The following DDX46 variants were observed in gnomAD, a reference collection of about 807,000 sequenced individuals.
The protein encoded by DDX46 is DEAD-box helicase 46.
In DDX46, 30 loss-of-function variants were observed where a neutral mutation model predicts 134.9. That is an observed-to-expected ratio of 0.22 (90% confidence interval 0.17 to 0.30). The LOEUF (loss-of-function observed/expected upper bound fraction) is 0.30, where lower values mean the gene tolerates loss of function less well. Ranked by LOEUF, DDX46 falls within the 10% of genes least tolerant of loss-of-function variation. The probability of loss-of-function intolerance (pLI) is 1.00; values close to 1 mark genes in which losing one functional copy is unlikely to be tolerated. For synonymous variants in DDX46, 415 were observed against 404.1 expected (o/e 1.03, Z -0.32); for missense variants, 622 against 1,248.7 (o/e 0.50, Z 7.56).
chr5:134,762,702 C>T (rs966663412), intron 1 of DDX46, among the ~76,000 whole-genome samples: 2 of 151,800 alleles, frequency 1.3e-5, no homozygotes, highest in Non-Finnish European at 2.9e-5. Flanking sequence ...TATTGCATTC[C>T]AGCCTGGGCA....
chr5:134,759,152 A>C (rs184666909), intron 1 of DDX46, among the ~76,000 whole-genome samples, 197 bp downstream of exon 1: 1 of 152,270 alleles, frequency 6.6e-6, no homozygotes, highest in East Asian at 1.9e-4. Flanking sequence ...CTTCCCCTGC[A>C]CTACCATCAG....
intron 21 of DDX46, among the ~76,000 whole-genome samples, chr5:134,819,998 TG>T (rs2150160465): frequency 6.6e-6 from 1 of 152,276 alleles, no homozygotes; most frequent in South Asian, 2.1e-4. Flanking sequence ...CTTGACTCAC[TG>T]CAACCTCCAC....
chr5:134,801,553 A>G (rs564628098), intron 15 of DDX46, among the ~76,000 whole-genome samples: 7 of 152,012 alleles, frequency 4.6e-5, no homozygotes, highest in Non-Finnish European at 5.9e-5. Context: ...ATGTGCCACC[A>G]TGCCCAACTA....
chr5:134,815,741 C>T (rs978398623), intron 18 of DDX46, among the ~76,000 whole-genome samples: 1 of 146,616 alleles, frequency 6.8e-6, no homozygotes, highest in Non-Finnish European at 1.5e-5. Context: ...AAGAAATGCA[C>T]CTAGCAGTAG....
rs200679952 is a variant in DDX46 at position 134,811,836 on chromosome 5, T to C, written c.2427T>C (p.Ala809=). ...LGLQDSDDED[A]AVDIDEQIES... ...TACAAGATTCAGATGATGAGGATGCTGCAGTTGATGTAAGTACTATTATTC... is the reference window on the plus strand; with the variant it reads ...TACAAGATTCAGATGATGAGGATGCCGCAGTTGATGTAAGTACTATTATTC... The change falls in exon 18 of 23, where the codon GCT becomes GCC. Residue 809 remains alanine (A), a synonymous_variant. Coordinates refer to ENST00000452510, the MANE Select transcript of DDX46 (RefSeq NM_001300860.2). The C allele has an allele frequency of 5.0e-5, 81 of 1,609,454 alleles. No individual in the cohort carries two copies. The East Asian group carries it at 1.8e-3, about 35-fold the overall frequency.
chr5:134,818,622 A>G (rs1414555687), intron 20 of DDX46, among the ~76,000 whole-genome samples: 3 of 151,610 alleles, frequency 2.0e-5, no homozygotes, highest in Admixed American at 2.0e-4. Context: ...GAATCGCTTG[A>G]ACCTGGGAGG....
At chr5:134,790,667 G>A (rs1754473803) in intron 13 of DDX46, 115 bp downstream of exon 13, 1 of 859,022 alleles carries the variant, frequency 1.2e-6, no homozygotes, top group African/African-American at 1.7e-5. Context: ...CTGTTGCACG[G>A]TAATACAGAA....
chr5:134,819,594 A>G (rs1022968475), intron 21 of DDX46, among the ~76,000 whole-genome samples: 2 of 152,044 alleles, frequency 1.3e-5, no homozygotes, highest in Non-Finnish European at 2.9e-5. Flanking sequence ...CAGTGGCGCA[A>G]TATCAGCTCA....
chr5:134,820,088 A>G (rs1019185905), intron 21 of DDX46, among the ~76,000 whole-genome samples: 1 of 151,450 alleles, frequency 6.6e-6, no homozygotes, highest in African/African-American at 2.4e-5. Flanking sequence ...TGCCTGGCTC[A>G]TTTTTGTATT....
chr5:134,817,793 A>G (rs897743381), intron 20 of DDX46, 79 bp downstream of exon 20: 1 of 1,237,808 alleles, frequency 8.1e-7, no homozygotes, highest in African/African-American at 1.5e-5. Context: ...TTTAAAACCC[A>G]TGAACATTTT....
intron 2 of DDX46, among the ~76,000 whole-genome samples, chr5:134,764,901 C>T (rs1251518023): frequency 6.6e-6 from 1 of 151,314 alleles, no homozygotes; most frequent in Non-Finnish European, 1.5e-5. Flanking sequence ...CTCCCTCACT[C>T]TTTCTCTCTT....
intron 5 of DDX46, among the ~76,000 whole-genome samples, chr5:134,774,654 T>C (rs536826681): frequency 8.5e-5 from 13 of 152,230 alleles, no homozygotes; most frequent in Admixed American, 5.9e-4. Context: ...GTAAGGAGAG[T>C]AAATTAAGGG....
intron 11 of DDX46, among the ~76,000 whole-genome samples, chr5:134,785,911 C>T (rs1355458558): frequency 1.3e-5 from 2 of 151,568 alleles, no homozygotes; most frequent in Middle Eastern, 3.2e-3. Context: ...TACAGTGGCG[C>T]GATCTCGGCT....
intron 4 of DDX46, among the ~76,000 whole-genome samples, chr5:134,771,696 T>A (rs1210203888): frequency 6.7e-6 from 1 of 149,042 alleles, no homozygotes; most frequent in African/African-American, 2.6e-5. Context: ...AGCAAGACTC[T>A]GTCTCAAAAA....
At chr5:134,796,261 A>G in intron 15 of DDX46, 111 bp downstream of exon 15, 1 of 1,206,064 alleles carries the variant, frequency 8.3e-7, no homozygotes, top group Non-Finnish European at 1.2e-6. Context: ...ACTAAATTTT[A>G]TGTCAGTTTT....
At position 134,807,761 on chromosome 5, in the gene DDX46, T is replaced by C. The variant is rs755127787; in HGVS notation, c.1968T>C (p.Tyr656=). ...CMSLHGGIDQ[Y]DRDSIINDFK... The stretch of plus-strand genomic sequence containing the variant: ...ATTTACTTGCAGGCATTGATCAATA[T>C]GACAGAGATAGCATCATAAATGACT... The change falls in exon 16 of 23, where the codon TAT becomes TAC. Residue 656 remains tyrosine (Y), a synonymous_variant. Coordinates refer to ENST00000452510, the MANE Select transcript of DDX46 (RefSeq NM_001300860.2). 55 of 1,613,580 alleles carry C rather than the reference T, an allele frequency of 3.4e-5. No homozygotes were observed. The East Asian group carries it at 3.6e-4, about 10-fold the overall frequency.
At chr5:134,796,265 C>T in intron 15 of DDX46, 115 bp downstream of exon 15, 1 of 1,122,330 alleles carries the variant, frequency 8.9e-7, no homozygotes, top group Admixed American at 2.7e-5. Context: ...AATTTTATGT[C>T]AGTTTTTACT....
At chr5:134,793,816 G>C (rs929360924) in intron 13 of DDX46, among the ~76,000 whole-genome samples, 5 of 152,082 alleles carry the variant, frequency 3.3e-5, no homozygotes, top group African/African-American at 1.2e-4. Context: ...TTTTATTTTT[G>C]ATTGTTGTAG....
At chr5:134,804,230 G>A (rs1329613411) in intron 15 of DDX46, among the ~76,000 whole-genome samples, 1 of 152,100 alleles carries the variant, frequency 6.6e-6, no homozygotes, top group Non-Finnish European at 1.5e-5. Context: ...ATGTCAGGAG[G>A]TTTATGAGGC....
Sources: gnomAD v4.1 joint callset for allele counts (sites outside exome capture counted in the v4.1 genomes callset) on GRCh38, gnomAD v4.1.1 for gene constraint, MANE v1.5 for transcripts, NCBI Gene and HGNC (gene_info 2026-07-23, HGNC 2026-07-21) for gene names.